TAB2: variants seen among roughly 807,000 people sequenced by gnomAD.
TAB2 encodes TGF-beta-activated kinase 1 and MAP3K7-binding protein 2.
A neutral mutation model predicts 65.0 loss-of-function variants in TAB2; 3 were observed. The ratio of observed to expected loss-of-function variants is 0.05; its 90% CI spans 0.02 to 0.12. TAB2 has a LOEUF of 0.12. Ranked by LOEUF, TAB2 falls within the 10% of genes least tolerant of loss-of-function variation. TAB2 has a pLI of 1.00. For missense variants in TAB2, 623 were observed against 840.3 expected (o/e 0.74, Z 3.20); for synonymous variants, 298 against 285.1 (o/e 1.05, Z -0.46).
At chr6:149,368,645 T>TTGTGTGTGTGTGTGTGTGTG (rs3056968) in intron 1 of TAB2, among the ~76,000 whole-genome samples, 7 of 147,494 alleles carry the variant, frequency 4.7e-5, no homozygotes, top group African/African-American at 1.7e-4. Context: ...ATGCGAAAAT[T>TTGTGTGTGTGTGTGTGTGTG]TGTGTGTGTG....
intron 1 of TAB2, among the ~76,000 whole-genome samples, chr6:149,353,118 A>G (rs905392445): frequency 6.6e-6 from 1 of 151,922 alleles, no homozygotes; most frequent in Non-Finnish European, 1.5e-5. Flanking sequence ...TCTTGTTTTT[A>G]CTTTGAGTAA....
At chr6:149,317,430 G>A (rs1475412032), upstream of TAB2, 7 of 174,386 alleles carry the variant, frequency 4.0e-5, no homozygotes, top group East Asian at 8.8e-4. The surrounding 1 kb of genome is among the most constrained non-coding windows in gnomAD (Gnocchi z 4.7). Flanking sequence ...CGCCGCCGCC[G>A]CCGCCGCCTG....
At chr6:149,233,903 C>CT (rs1156840276) in intron 1 of TAB2, among the ~76,000 whole-genome samples, 1 of 152,184 alleles carries the variant, frequency 6.6e-6, no homozygotes, top group Non-Finnish European at 1.5e-5. Flanking sequence ...CCCTCCAACC[C>CT]TCCCCAAATG....
rs237028 is a variant in TAB2 at position 149,397,514 on chromosome 6, C to T, written c.1604-90C>T. The T allele has an allele frequency of 0.52, 760,030 of 1,459,876 alleles. 201,345 individuals carry two copies. Among genetic ancestry groups the T allele is most frequent in the African/African-American group, 0.73 (52,069 of 71,646 alleles). The allele number at this position is 1,459,876 out of a possible 1,614,324, so 90.4% of individuals were successfully genotyped here. On this transcript the variant is annotated intron_variant, in intron 3 of 6. Transcript: ENST00000637181. ...TTGTTTTAATGTAGCTTTGGGATTTCTGACAAATTCTTGTTTGCTTTTCCA... is the reference window on the plus strand; with the variant it reads ...TTGTTTTAATGTAGCTTTGGGATTTTTGACAAATTCTTGTTTGCTTTTCCA...
intron 1 of TAB2, among the ~76,000 whole-genome samples, chr6:149,224,832 A>G (rs1777233767): frequency 6.6e-6 from 1 of 152,250 alleles, no homozygotes; most frequent in South Asian, 2.1e-4. Context: ...CTTGAAAAAT[A>G]AACGGAGAAC....
chr6:149,350,959 A>G (rs1433779374), intron 1 of TAB2, among the ~76,000 whole-genome samples: 1 of 152,094 alleles, frequency 6.6e-6, no homozygotes, highest in East Asian at 1.9e-4. Flanking sequence ...TCATCTTCTC[A>G]GCTTCTCCTG....
At chr6:149,389,493 A>G (rs1781910973) in intron 3 of TAB2, among the ~76,000 whole-genome samples, 1 of 151,896 alleles carries the variant, frequency 6.6e-6, no homozygotes, top group African/African-American at 2.4e-5. Context: ...TAAAAATACA[A>G]AATTAGCTGG....
At chr6:149,236,351 A>G (rs1313269519) in intron 1 of TAB2, among the ~76,000 whole-genome samples, 3 of 152,248 alleles carry the variant, frequency 2.0e-5, no homozygotes, top group Non-Finnish European at 4.4e-5. Context: ...AAGCTTCTAT[A>G]TCTCTAAATA....
chr6:149,275,820 A>C (rs78572802), intron 1 of TAB2, among the ~76,000 whole-genome samples: 1,911 of 152,304 alleles, frequency 0.013, 37 homozygotes, highest in African/African-American at 0.044. Context: ...TCAGGAGAAA[A>C]GCATCAAACA....
At chr6:149,399,580 C>A (rs746932012) in intron 6 of TAB2, among the ~76,000 whole-genome samples, 1 of 149,912 alleles carries the variant, frequency 6.7e-6, no homozygotes, top group African/African-American at 2.4e-5. Context: ...TTTAAGTAAT[C>A]AAAATACCCT....
intron 3 of TAB2, among the ~76,000 whole-genome samples, chr6:149,383,041 G>T (rs949106349): frequency 2.0e-5 from 3 of 151,910 alleles, no homozygotes; most frequent in African/African-American, 4.8e-5. Context: ...TGTAGTCCTA[G>T]CTACTCAGGA....
chr6:149,383,168 GA>G (rs901181075), intron 3 of TAB2, among the ~76,000 whole-genome samples: 4 of 148,496 alleles, frequency 2.7e-5, no homozygotes, highest in East Asian at 2.0e-4. Flanking sequence ...AAATAAAGAA[GA>G]AAAAAAAAGG....
chr6:149,378,601 C>T lies in TAB2; in HGVS notation c.686C>T (p.Thr229Ile), dbSNP rs1192968121. Residue 229 changes from threonine to isoleucine, a missense_variant, in exon 3 of 7, where the codon ACA becomes ATA. By Grantham distance (89) the Thr-to-Ile change is moderately conservative. Transcript: ENST00000637181. ...ITTPGGTTRQ[T>I]QQHSGWVSQF... ...ACTCCTGGTGGTACAACTCGACAGA[C>T]ACAACAGCATTCTGGCTGGGTATCT... is the stretch of plus-strand genomic sequence containing the variant. 1 of 1,613,454 alleles carries T rather than the reference C, an allele frequency of 6.2e-7. No homozygotes were observed. The highest frequency in any genetic ancestry group is 8.5e-7 in the Non-Finnish European group (1 of 1,180,034).
chr6:149,336,922 T>A (rs1334113450), intron 1 of TAB2, among the ~76,000 whole-genome samples: 4 of 149,488 alleles, frequency 2.7e-5, no homozygotes. Context: ...TGCATTTAGA[T>A]AAAAAAAAAA....
intron 1 of TAB2, among the ~76,000 whole-genome samples, chr6:149,254,059 GAGGAAGGAAGGAAGGAAGGAAGGA>G (rs202028741): frequency 7.3e-4 from 76 of 103,726 alleles, no homozygotes; most frequent in African/African-American, 1.4e-3. Context: ...GGGAGAGAGG[GAGGAAGGAAGGAAGGAAGGAAGGA>G]AGGAAGGAAG....
chr6:149,338,451 G>C lies in TAB2; in HGVS notation c.-90+20436G>C, dbSNP rs140559529. Among the ~76,000 whole-genome samples the C allele has an allele frequency of 3.1e-4, 47 of 152,278 alleles. No homozygotes were observed. In the East Asian group the frequency reaches 7.7e-3, roughly 25 times the overall value. On this transcript the variant is annotated intron_variant, in intron 1 of 6. Transcript: ENST00000637181. ...TTTCAAGGAGTTGGGTAAAGGTAAA[G>C]AAAGAGAAGAGAGAAGAGTTAAGGT...
At chr6:149,329,593 G>A (rs1400524027) in intron 1 of TAB2, among the ~76,000 whole-genome samples, 1 of 143,988 alleles carries the variant, frequency 6.9e-6, no homozygotes, top group Non-Finnish European at 1.5e-5. Flanking sequence ...AGAGGCAGTA[G>A]CAAATGCAGT....
intron 1 of TAB2, among the ~76,000 whole-genome samples, chr6:149,351,075 T>A (rs1780474754): frequency 6.6e-6 from 1 of 152,106 alleles, no homozygotes; most frequent in South Asian, 2.1e-4. Flanking sequence ...GAATCTGCCT[T>A]ACTTCTTTTA....
At chr6:149,365,711 C>T (rs1781018772) in intron 1 of TAB2, among the ~76,000 whole-genome samples, 1 of 151,760 alleles carries the variant, frequency 6.6e-6, no homozygotes, top group East Asian at 1.9e-4. Flanking sequence ...CTACCTCATT[C>T]TTTCTCCCCT....
Sources: gnomAD v4.1 joint callset for allele counts (sites outside exome capture counted in the v4.1 genomes callset) on GRCh38, gnomAD v4.1.1 for gene constraint, Gnocchi (gnomAD v3.1) non-coding constraint, MANE v1.5 for transcripts, NCBI Gene and HGNC (gene_info 2026-07-23, HGNC 2026-07-21) for gene names.